PTPRE: variants seen among roughly 807,000 people sequenced by gnomAD.
PTPRE encodes the protein protein tyrosine phosphatase receptor type E, also known as receptor-type tyrosine-protein phosphatase epsilon.
In PTPRE, 51 loss-of-function variants were observed where a neutral mutation model predicts 102.0. The ratio of observed to expected loss-of-function variants is 0.50; its 90% CI spans 0.40 to 0.63. PTPRE has a LOEUF of 0.63. Ranked by LOEUF, PTPRE falls within the 30% of genes least tolerant of loss-of-function variation. The probability of loss-of-function intolerance (pLI) is 0.00; values close to 1 mark genes in which losing one functional copy is unlikely to be tolerated. For synonymous variants in PTPRE, 345 were observed against 348.2 expected, an observed-to-expected ratio of 0.99 and a Z score of 0.10; for missense variants, 752 against 915.1, an observed-to-expected ratio of 0.82 and a Z score of 2.30.
chr10:127,995,090 A>G (rs903242702), intron 2 of PTPRE, among the ~76,000 whole-genome samples: 1 of 152,150 alleles, frequency 6.6e-6, no homozygotes, highest in East Asian at 1.9e-4. Context: ...GCCCAGTCCC[A>G]TGGTGGTGCC....
In PTPRE at chr10:128,070,391, C is replaced by CT. The variant is rs1564962933; in HGVS notation, c.1234_1235insT (p.Gln412LeufsTer53). 1 of 1,614,200 alleles carries CT rather than the reference C, an allele frequency of 6.2e-7. No homozygotes were observed. Among genetic ancestry groups the CT allele is most frequent in the Non-Finnish European group, 8.5e-7 (1 of 1,180,038 alleles). The stretch of plus-strand genomic sequence containing the variant: ...CGTGTCCTCCCTGGAGAAGCACCTG[C>CT]AGACCATGCACGGCACCACCACCCA... On this transcript the variant is annotated frameshift_variant, in exon 14 of 21. Transcript: ENST00000254667. LOFTEE classifies it high-confidence loss of function. The surrounding 1 kb of genome is among the most constrained non-coding windows in gnomAD (Gnocchi z 4.8).
chr10:128,039,451 C>G (rs1181024737), intron 2 of PTPRE, among the ~76,000 whole-genome samples: 3 of 152,108 alleles, frequency 2.0e-5, no homozygotes, highest in Non-Finnish European at 4.4e-5. Flanking sequence ...GCTCATTTTA[C>G]AAATCTAAAA....
At chr10:128,021,104 C>A (rs1160225984) in intron 2 of PTPRE, among the ~76,000 whole-genome samples, 1 of 152,098 alleles carries the variant, frequency 6.6e-6, no homozygotes, top group Non-Finnish European at 1.5e-5. Flanking sequence ...GCCGTGTTAG[C>A]CAGGATGGTC....
intron 1 of PTPRE, among the ~76,000 whole-genome samples, chr10:127,946,567 A>C (rs914498640): frequency 8.9e-6 from 1 of 112,528 alleles, no homozygotes; most frequent in Non-Finnish European, 2.0e-5. Context: ...TCCACCCCGC[A>C]TTGGTAAGAG....
At chr10:128,019,807 C>T (rs1424702434) in intron 2 of PTPRE, among the ~76,000 whole-genome samples, 1 of 152,156 alleles carries the variant, frequency 6.6e-6, no homozygotes, top group Non-Finnish European at 1.5e-5. Flanking sequence ...AGGTGTTGGG[C>T]CCACAGCACC....
At chr10:127,984,377 G>C (rs1851907281) in intron 2 of PTPRE, among the ~76,000 whole-genome samples, 1 of 152,072 alleles carries the variant, frequency 6.6e-6, no homozygotes, top group Non-Finnish European at 1.5e-5. Flanking sequence ...CACCGCGCCT[G>C]GCCCTGCCTC....
intron 1 of PTPRE, among the ~76,000 whole-genome samples, chr10:127,973,436 G>A (rs1221502746): frequency 6.6e-6 from 1 of 151,940 alleles, no homozygotes; most frequent in African/African-American, 2.4e-5. Flanking sequence ...TCTTTTTTGT[G>A]CATTTTATAG....
rs142557653 is a variant in PTPRE, at chr10:128,077,465, C to T, written c.1726-152C>T. The T allele has an allele frequency of 7.9e-5, 81 of 1,024,618 alleles. No individual in the cohort carries two copies. In the East Asian group the frequency reaches 2.1e-3, roughly 27 times the overall value. The allele number at this position is 1,024,618 out of a possible 1,614,324, so 63.5% of individuals were successfully genotyped here. On this transcript the variant is annotated intron_variant, in intron 18 of 20. Transcript: ENST00000254667. Reference sequence around the variant, plus strand: ...CTTCTTTAGGACAAGCAGGTTTCAGCCTTCTCCTTCAGGCTGCCTCGGTGG... The same window carrying T: ...CTTCTTTAGGACAAGCAGGTTTCAGTCTTCTCCTTCAGGCTGCCTCGGTGG...
At chr10:128,035,681 A>C (rs997539502) in intron 2 of PTPRE, among the ~76,000 whole-genome samples, 1 of 152,156 alleles carries the variant, frequency 6.6e-6, no homozygotes, top group Non-Finnish European at 1.5e-5. Context: ...ACCCTCTTGG[A>C]GCTGCAGGGG....
At chr10:128,079,519 T>C (rs1175179956) in intron 19 of PTPRE, 41 bp from the exon 20 acceptor site, 1 of 1,600,896 alleles carries the variant, frequency 6.2e-7, no homozygotes, top group Admixed American at 1.7e-5. Flanking sequence ...CATCCCCAAG[T>C]GCAAGTCGGA....
intron 1 of PTPRE, among the ~76,000 whole-genome samples, chr10:127,912,066 A>G (rs116218074): frequency 0.015 from 2,332 of 152,212 alleles, 64 homozygotes; most frequent in African/African-American, 0.053. Flanking sequence ...GGGATTATGA[A>G]GGCAGCCTCC....
chr10:127,925,642 C>T (rs755180088), intron 1 of PTPRE, among the ~76,000 whole-genome samples: 5 of 152,234 alleles, frequency 3.3e-5, no homozygotes, highest in Non-Finnish European at 7.3e-5. Flanking sequence ...TCCACGGCCA[C>T]TGAGCCTGCT....
At chr10:128,055,606 TAAGC>T (rs1288091490) in intron 6 of PTPRE, among the ~76,000 whole-genome samples, 1 of 152,076 alleles carries the variant, frequency 6.6e-6, no homozygotes, top group Non-Finnish European at 1.5e-5. Context: ...CCTGGAGTCT[TAAGC>T]AAGATCAGGA....
At chr10:128,079,536 G>T (rs771271987) in intron 19 of PTPRE, 24 bp from the exon 20 acceptor site, 9 of 1,611,710 alleles carry the variant, frequency 5.6e-6, no homozygotes, top group South Asian at 2.2e-5. Context: ...CGGATGATCT[G>T]CATTAAGCGC....
At chr10:127,958,040 A>T (rs963023312) in intron 1 of PTPRE, among the ~76,000 whole-genome samples, 1 of 152,054 alleles carries the variant, frequency 6.6e-6, no homozygotes. Context: ...TTAACTTTAT[A>T]CCCTGAAACA....
intron 1 of PTPRE, among the ~76,000 whole-genome samples, chr10:127,948,365 A>T (rs920216487): frequency 2.6e-5 from 4 of 152,162 alleles, no homozygotes; most frequent in Admixed American, 2.6e-4. Flanking sequence ...ACACGTCATC[A>T]TCACCCAGAG....
chr10:127,953,102 G>T (rs1462675712), intron 1 of PTPRE, among the ~76,000 whole-genome samples: 1 of 152,190 alleles, frequency 6.6e-6, no homozygotes, highest in African/African-American at 2.4e-5. Context: ...CTTTGGGTGT[G>T]TTACTCCAGC....
At chr10:127,979,549 C>T (rs558472849) in intron 1 of PTPRE, among the ~76,000 whole-genome samples, 3 of 152,262 alleles carry the variant, frequency 2.0e-5, no homozygotes, top group South Asian at 2.1e-4. Context: ...TGGTAGTGCA[C>T]ACCTGTAGTC....
chr10:127,950,550 C>G (rs1211213216), intron 1 of PTPRE, among the ~76,000 whole-genome samples: 1 of 152,176 alleles, frequency 6.6e-6, no homozygotes, highest in Non-Finnish European at 1.5e-5. Context: ...GGAGTGCCAG[C>G]ATCCCTGAAG....
Sources: allele counts gnomAD v4.1 joint callset (sites outside exome capture counted in the v4.1 genomes callset), GRCh38; gene constraint gnomAD v4.1.1; non-coding constraint Gnocchi (gnomAD v3.1); transcripts MANE v1.5; gene names NCBI Gene and HGNC (gene_info 2026-07-23, HGNC 2026-07-21).